The following IPO8 variants were observed in gnomAD, a reference collection of about 807,000 sequenced individuals.
IPO8 encodes the protein importin-8.
A neutral mutation model predicts 141.2 loss-of-function variants in IPO8; 65 were observed. The observed-to-expected ratio is 0.46, with a 90% CI of 0.38 to 0.57. The LOEUF (loss-of-function observed/expected upper bound fraction) is 0.57. IPO8 is among the 20% of genes least tolerant of loss of function. IPO8 has a pLI of 0.00. For missense variants in IPO8, 980 were observed against 1,246.8 expected (o/e 0.79, Z 3.22); for synonymous variants, 411 against 420.3 (o/e 0.98, Z 0.27).
intron 15 of IPO8, among the ~76,000 whole-genome samples, chr12:30,661,657 A>T (rs139873960): frequency 0.01 from 1,548 of 151,688 alleles, 25 homozygotes; most frequent in African/African-American, 0.035. Context: ...AAAAGTTTTT[A>T]AAAAAATTAA....
chr12:30,637,119 G>T lies in IPO8; in HGVS notation c.2558C>A (p.Ala853Glu), dbSNP rs182083782. 3 of 1,613,876 alleles carry T rather than the reference G, an allele frequency of 1.9e-6. No individual in the cohort carries two copies. The highest frequency in any genetic ancestry group is 4.5e-5 in the East Asian group (2 of 44,850). The change falls in exon 22 of 25, where the codon GCA becomes GAA. Residue 853 changes from alanine (A) to glutamate (E), a missense_variant. Physicochemically the swap from Ala to Glu is moderately radical, Grantham distance 107. This residue lies in a region of IPO8 where 924 missense variants were observed against 1,153.9 expected (regional missense o/e 0.80). Coordinates refer to ENST00000256079, the MANE Select transcript of IPO8 (RefSeq NM_006390.4). ...ILLELQNRPP[A>E]VDAVVGQIVP... ...AATCTGTCCCACCACAGCATCTACT[G>T]CAGGAGGTCGATTTTGCAATTCCAA...
At chr12:30,670,864 A>G (rs887551075) in intron 9 of IPO8, 98 bp downstream of exon 9, 2 of 915,554 alleles carry the variant, frequency 2.2e-6, no homozygotes, top group Middle Eastern at 2.4e-4. Flanking sequence ...AAATGTATAT[A>G]TATAAAATGT....
chr12:30,650,724 G>C (rs908455906), intron 19 of IPO8, among the ~76,000 whole-genome samples: 1 of 151,946 alleles, frequency 6.6e-6, no homozygotes, highest in African/African-American at 2.4e-5. Flanking sequence ...CATTTGTTTT[G>C]GTTTGCCAAA....
chr12:30,646,043 C>CA (rs1230234459), intron 20 of IPO8, among the ~76,000 whole-genome samples: 8 of 151,980 alleles, frequency 5.3e-5, no homozygotes, highest in African/African-American at 1.9e-4. Flanking sequence ...CAAAGCCAGA[C>CA]AAAAAACATC....
At position 30,630,211 on chromosome 12, in the gene IPO8, A is replaced by G. The variant is rs1418068543; in HGVS notation, c.*649T>C. On this transcript the variant is annotated 3_prime_UTR_variant, in exon 25 of 25. Coordinates refer to ENST00000256079, the MANE Select transcript of IPO8 (RefSeq NM_006390.4). ...AAAATGAGAGAAGAGGGAGTAAGAC[A>G]CTTCTTTAAAAAGCCACAAAACATC... is the stretch of plus-strand genomic sequence containing the variant. 2.6e-5 allele frequency: 4 copies of G among 152,142 alleles called. No homozygotes were observed. In the South Asian group the frequency reaches 8.3e-4, roughly 32 times the overall value. The allele number at this position is 152,142 out of a possible 1,614,324, so 9.4% of individuals were successfully genotyped here.
At chr12:30,650,830 T>A (rs898313946) in intron 19 of IPO8, among the ~76,000 whole-genome samples, 2 of 152,066 alleles carry the variant, frequency 1.3e-5, no homozygotes, top group African/African-American at 4.8e-5. Flanking sequence ...AGCTATGTGA[T>A]TGCAACTATT....
intron 8 of IPO8, among the ~76,000 whole-genome samples, chr12:30,672,446 C>A (rs753046889): frequency 6.6e-6 from 1 of 152,108 alleles, no homozygotes; most frequent in Non-Finnish European, 1.5e-5. Context: ...ATGGGAGATT[C>A]TCTCCCTACA....
Position 30,695,579 on chromosome 12 carries a change from C to T in IPO8, c.69G>A (p.Glu23=), listed in dbSNP as rs1457565683. ...TIDPKLRIAA[E]NELNQSYKII... Reference sequence around the variant, plus strand: ...CTCTCCTCACCTGGTTGAGCTCGTTCTCGGCTGCAATCCGCAACTTCGGGT... The same window carrying T: ...CTCTCCTCACCTGGTTGAGCTCGTTTTCGGCTGCAATCCGCAACTTCGGGT... Residue 23 remains glutamate, a synonymous_variant, in exon 1 of 25, where the codon GAG becomes GAA. Coordinates refer to ENST00000256079, the MANE Select transcript of IPO8 (RefSeq NM_006390.4). This position sits in a 1 kb window ranked among gnomAD's most constrained non-coding sequence, Gnocchi z 4.2. 1 of 1,613,946 alleles carries T rather than the reference C, an allele frequency of 6.2e-7. No individual in the cohort carries two copies. The highest frequency in any genetic ancestry group is 2.2e-5 in the East Asian group (1 of 44,866).
chr12:30,693,109 T>C (rs2053306428), intron 1 of IPO8, among the ~76,000 whole-genome samples: 1 of 152,184 alleles, frequency 6.6e-6, no homozygotes, highest in Non-Finnish European at 1.5e-5. Flanking sequence ...AAAAACTTAT[T>C]TCCCTACCGA....
At chr12:30,665,693 A>G in intron 12 of IPO8, 36 bp downstream of exon 12, 2 of 1,310,452 alleles carry the variant, frequency 1.5e-6, no homozygotes, top group African/African-American at 1.5e-5. Flanking sequence ...GTACTTTACA[A>G]TGTTATTAAG....
At position 30,684,437 on chromosome 12, in the gene IPO8, T is replaced by C. The variant is rs1212801388; in HGVS notation, c.187A>G (p.Met63Val). Residue 63 changes from methionine (M) to valine (V), a missense_variant, in exon 3 of 25, where the codon ATG becomes GTG. Physicochemically the swap from Met to Val is conservative, Grantham distance 21 (BLOSUM62 1). Around this residue, in one of 3 missense-constraint regions of IPO8, gnomAD observed 16 missense variants for 46.6 expected, o/e 0.34. Coordinates refer to ENST00000256079, the MANE Select transcript of IPO8 (RefSeq NM_006390.4). ...RQAAAIYLKN[M>V]VTQYWPDREP... ...CGATCTGGCCAGTATTGTGTCACCATGTTCTTCAGGTAAATGGCAGCTGAG... is the reference window on the plus strand; with the variant it reads ...CGATCTGGCCAGTATTGTGTCACCACGTTCTTCAGGTAAATGGCAGCTGAG... 6.2e-7 allele frequency: 1 copy of C among 1,613,802 alleles called. No individual in the cohort carries two copies. The highest frequency in any genetic ancestry group is 8.5e-7 in the Non-Finnish European group (1 of 1,179,952).
chr12:30,654,019 A>T (rs1271222969), intron 17 of IPO8, among the ~76,000 whole-genome samples: 2 of 152,084 alleles, frequency 1.3e-5, no homozygotes, highest in Non-Finnish European at 2.9e-5. Flanking sequence ...AGACCAATGG[A>T]ACCGATTACA....
At chr12:30,649,759 G>A (rs2136137447) in intron 19 of IPO8, among the ~76,000 whole-genome samples, 1 of 152,078 alleles carries the variant, frequency 6.6e-6, no homozygotes, top group Admixed American at 6.6e-5. Flanking sequence ...TTATCAGACA[G>A]TTCCCCTATT....
chr12:30,677,691 C>G (rs2136166887), intron 5 of IPO8, among the ~76,000 whole-genome samples: 1 of 151,314 alleles, frequency 6.6e-6, no homozygotes, highest in Non-Finnish European at 1.5e-5. Flanking sequence ...GTGTGTGTGT[C>G]TTAGTTTTTA....
intron 6 of IPO8, among the ~76,000 whole-genome samples, chr12:30,675,576 C>T (rs1264652733): frequency 6.6e-6 from 1 of 151,734 alleles, no homozygotes; most frequent in East Asian, 1.9e-4. Context: ...GCCTGTAATC[C>T]CAGCACTTTG....
At position 30,663,590 on chromosome 12, in the gene IPO8, G is replaced by A. The variant is rs569581863; in HGVS notation, c.1493C>T (p.Ala498Val). Residue 498 changes from alanine to valine, a missense_variant, in exon 14 of 25, where the codon GCC (alanine) becomes GTC (valine). Physicochemically the swap from Ala to Val is moderately conservative, Grantham distance 64. This residue lies in a region of IPO8 where 924 missense variants were observed against 1,153.9 expected (regional missense o/e 0.80). Transcript: ENST00000256079. The part of the protein sequence containing the change: ...KFHNELNLRN[A>V]VELAKKSLIE... ...CAGGCTCTTCTTCGCTAATTCAACG[G>A]CATTTCTTAGATTGAGCTCATTATG... 5.6e-6 allele frequency: 9 copies of A among 1,613,078 alleles called. No homozygotes were observed. Among genetic ancestry groups the A allele is most frequent in the Non-Finnish European group, 7.6e-6 (9 of 1,179,638 alleles).
chr12:30,695,492 G>T lies in IPO8; in HGVS notation c.84+72C>A. 1.5e-6 allele frequency: 2 copies of T among 1,367,150 alleles called. No individual in the cohort carries two copies. The highest frequency in any genetic ancestry group is 2.1e-6 in the Non-Finnish European group (2 of 961,966). 84.7% of individuals were successfully genotyped at this position (1,367,150 alleles called of 1,614,324 possible). Reference sequence around the variant, plus strand: ...TGGGGGTGAGGACGAGGGGCGCCGGGGAGAGGGAGCCCGGCCAGCCGGCAG... The same window carrying T: ...TGGGGGTGAGGACGAGGGGCGCCGGTGAGAGGGAGCCCGGCCAGCCGGCAG... On this transcript the variant is annotated intron_variant, in intron 1 of 24. Coordinates refer to ENST00000256079, the MANE Select transcript of IPO8 (RefSeq NM_006390.4). This position sits in a 1 kb window ranked among gnomAD's most constrained non-coding sequence, Gnocchi z 4.2.
At chr12:30,682,816 C>G (rs796373254) in intron 3 of IPO8, among the ~76,000 whole-genome samples, 1 of 151,994 alleles carries the variant, frequency 6.6e-6, no homozygotes, top group South Asian at 2.1e-4. Context: ...CTTTTCTTCA[C>G]GTTATCAAAT....
chr12:30,665,588 T>G (rs376064659), intron 12 of IPO8, 141 bp downstream of exon 12: 63 of 633,884 alleles, frequency 9.9e-5, no homozygotes, highest in South Asian at 8.4e-4. Context: ...ATTAAAGAAA[T>G]AGATGACAGA....
Sources: allele counts gnomAD v4.1 joint callset (sites outside exome capture counted in the v4.1 genomes callset), GRCh38; gene constraint gnomAD v4.1.1; regional missense constraint gnomAD v4.1.1; non-coding constraint Gnocchi (gnomAD v3.1); transcripts MANE v1.5; gene names NCBI Gene and HGNC (gene_info 2026-07-23, HGNC 2026-07-21).